AGBL1: variants seen among roughly 807,000 people sequenced by gnomAD.
AGBL1 encodes the protein cytosolic carboxypeptidase 4.
AGBL1 carries 130 observed loss-of-function variants against 118.9 expected under a neutral mutation model. The observed-to-expected ratio is 1.09, with a 90% CI of 0.95 to 1.26. The LOEUF is 1.26. AGBL1 is among the 50% of genes most tolerant of loss of function. The probability of loss-of-function intolerance (pLI) is 0.00; values close to 1 mark genes in which losing one functional copy is unlikely to be tolerated. For missense variants in AGBL1, 1,584 were observed against 1,298.1 expected (o/e 1.22, Z -3.38); for synonymous variants, 555 against 478.9 (o/e 1.16, Z -2.08).
At chr15:86,861,624 C>G (rs564102512) in intron 22 of AGBL1, among the ~76,000 whole-genome samples, 1 of 152,268 alleles carries the variant, frequency 6.6e-6, no homozygotes, top group Admixed American at 6.5e-5. Flanking sequence ...TTATCTACTT[C>G]ACAGAGCTGT....
intron 5 of AGBL1, among the ~76,000 whole-genome samples, chr15:86,176,294 G>T (rs12902410): frequency 6.6e-6 from 1 of 151,988 alleles, no homozygotes; most frequent in Non-Finnish European, 1.5e-5. Flanking sequence ...TGTGGTCATG[G>T]TGGTGGCAGT....
intron 5 of AGBL1, among the ~76,000 whole-genome samples, chr15:86,170,616 G>A (rs2077400420): frequency 6.6e-6 from 1 of 151,982 alleles, no homozygotes; most frequent in Non-Finnish European, 1.5e-5. Context: ...AGGCTGAGTT[G>A]GGCAGATTGC....
At chr15:86,760,950 C>A (rs1445379125) in intron 22 of AGBL1, among the ~76,000 whole-genome samples, 1 of 152,062 alleles carries the variant, frequency 6.6e-6, no homozygotes, top group African/African-American at 2.4e-5. Context: ...TTGGTAAGCA[C>A]CCTTAAAAGG....
At chr15:86,118,131 T>C in intron 1 of AGBL1, among the ~76,000 whole-genome samples, 1 of 152,182 alleles carries the variant, frequency 6.6e-6, no homozygotes, top group Admixed American at 6.6e-5. Context: ...TTTCAAGAGA[T>C]GGCCCTCACC....
chr15:86,854,065 A>G lies in AGBL1; in HGVS notation c.3159-53022A>G, dbSNP rs146151147. Among the ~76,000 whole-genome samples, 754 of 152,282 alleles carry G rather than the reference A, an allele frequency of 5.0e-3. 5 individuals are homozygous for G. The highest frequency in any genetic ancestry group is 0.018 in the African/African-American group (730 of 41,568). On this transcript the variant is annotated intron_variant, in intron 22 of 22. Transcript: ENST00000614907. Reference sequence around the variant, plus strand: ...CCAAGTACCTTGGGTCTGAAATGGCACTGAGAGAGTTGCAATAACACAAAT... The same window carrying G: ...CCAAGTACCTTGGGTCTGAAATGGCGCTGAGAGAGTTGCAATAACACAAAT...
At chr15:86,219,553 C>G (rs866379570) in intron 5 of AGBL1, among the ~76,000 whole-genome samples, 17 of 152,062 alleles carry the variant, frequency 1.1e-4, no homozygotes, top group Admixed American at 1.3e-4. Context: ...CAAACCCAAG[C>G]CCTCTAATTC....
chr15:86,469,334 A>G (rs1250022647), intron 18 of AGBL1, among the ~76,000 whole-genome samples: 3 of 152,198 alleles, frequency 2.0e-5, no homozygotes, highest in Non-Finnish European at 1.5e-5. Context: ...GAGACCATGT[A>G]GTATTTATAT....
chr15:86,334,733 G>C (rs542235289), intron 17 of AGBL1, among the ~76,000 whole-genome samples: 1 of 152,160 alleles, frequency 6.6e-6, no homozygotes, highest in East Asian at 1.9e-4. Context: ...AACAAACCTG[G>C]AGGTATCACA....
At chr15:86,171,396 G>GT (rs1219361838) in intron 5 of AGBL1, among the ~76,000 whole-genome samples, 2 of 152,152 alleles carry the variant, frequency 1.3e-5, no homozygotes, top group African/African-American at 4.8e-5. Context: ...GTATTCTATT[G>GT]TAAGTGTCTT....
chr15:86,715,510 C>A (rs974869367), intron 22 of AGBL1, among the ~76,000 whole-genome samples: 2 of 152,070 alleles, frequency 1.3e-5, no homozygotes, highest in African/African-American at 4.8e-5. Flanking sequence ...TCTTATTTTA[C>A]CTTTCTTTGG....
At chr15:86,299,949 T>C (rs1323119410) in intron 17 of AGBL1, 1 of 152,116 alleles carries the variant, frequency 6.6e-6, no homozygotes, top group Non-Finnish European at 1.5e-5. Flanking sequence ...AGAAGAATGA[T>C]TCTACCTTTG....
At chr15:86,510,332 A>C (rs1172683007) in intron 18 of AGBL1, among the ~76,000 whole-genome samples, 1 of 117,400 alleles carries the variant, frequency 8.5e-6, no homozygotes, top group Non-Finnish European at 1.9e-5. Context: ...TGATCAACTC[A>C]TCAGGGGAAT....
intron 18 of AGBL1, among the ~76,000 whole-genome samples, chr15:86,511,954 G>T (rs890766231): frequency 6.6e-6 from 1 of 152,088 alleles, no homozygotes; most frequent in East Asian, 1.9e-4. Flanking sequence ...TCTTGCTTTT[G>T]TGGTGTCAGA....
intron 22 of AGBL1, among the ~76,000 whole-genome samples, chr15:86,762,803 C>G (rs1567162127): frequency 6.6e-6 from 1 of 151,966 alleles, no homozygotes; most frequent in Non-Finnish European, 1.5e-5. Context: ...GCATTATTTT[C>G]TACCTATCCT....
chr15:86,174,003 G>T (rs2077449691), intron 5 of AGBL1, among the ~76,000 whole-genome samples: 1 of 151,906 alleles, frequency 6.6e-6, no homozygotes, highest in Non-Finnish European at 1.5e-5. Context: ...TTTGATGGGG[G>T]TTGCATTGAA....
chr15:86,254,247 T>C (rs192420899), intron 7 of AGBL1, among the ~76,000 whole-genome samples: 18 of 152,344 alleles, frequency 1.2e-4, no homozygotes, highest in Admixed American at 1.3e-4. Flanking sequence ...TACTAAATGC[T>C]TACTATTCGG....
intron 5 of AGBL1, among the ~76,000 whole-genome samples, chr15:86,183,413 A>T (rs1011813261): frequency 1.3e-5 from 2 of 152,194 alleles, no homozygotes; most frequent in East Asian, 1.9e-4. Context: ...TCCAAAATAG[A>T]TGATTTCCTA....
At chr15:86,341,110 C>T (rs1412543812) in intron 17 of AGBL1, among the ~76,000 whole-genome samples, 2 of 152,176 alleles carry the variant, frequency 1.3e-5, no homozygotes, top group Admixed American at 1.3e-4. Flanking sequence ...ACTGCAGGTT[C>T]CCTACCTGGC....
At chr15:86,595,606 A>G (rs977051508) in intron 21 of AGBL1, among the ~76,000 whole-genome samples, 9 of 152,050 alleles carry the variant, frequency 5.9e-5, no homozygotes, top group Non-Finnish European at 1.0e-4. Context: ...TTCCTTTCTG[A>G]GTCTGAGGGA....
Sources: gnomAD v4.1 joint callset for allele counts (sites outside exome capture counted in the v4.1 genomes callset) on GRCh38, gnomAD v4.1.1 for gene constraint, MANE v1.5 for transcripts, NCBI Gene and HGNC (gene_info 2026-07-23, HGNC 2026-07-21) for gene names.